Variants in PRORP observed in about 807,000 individuals in gnomAD.
The protein encoded by PRORP is mitochondrial ribonuclease P catalytic subunit.
PRORP carries 51 observed loss-of-function variants against 59.4 expected under a neutral mutation model. That is an observed-to-expected ratio of 0.86 (90% confidence interval 0.69 to 1.08). The LOEUF (loss-of-function observed/expected upper bound fraction) is 1.08. Ranked by LOEUF, PRORP falls within the 50% of genes least tolerant of loss-of-function variation. The pLI is 0.00. For missense variants in PRORP, 646 were observed against 690.3 expected, an observed-to-expected ratio of 0.94 and a Z score of 0.72; for synonymous variants, 231 against 245.6, an observed-to-expected ratio of 0.94 and a Z score of 0.55.
chr14:35,132,399 G>A (rs1281642515), intron 4 of PRORP, among the ~76,000 whole-genome samples: 3 of 151,760 alleles, frequency 2.0e-5, no homozygotes, highest in Non-Finnish European at 4.4e-5. Flanking sequence ...CGGAGGTTGC[G>A]GTGAGCCAAG....
intron 4 of PRORP, among the ~76,000 whole-genome samples, chr14:35,156,141 A>G (rs1037387422): frequency 2.0e-5 from 3 of 152,228 alleles, no homozygotes; most frequent in Admixed American, 2.0e-4. Context: ...GCAACTGCAG[A>G]TTAATTCTGG....
chr14:35,164,883 A>C (rs1179594261), intron 4 of PRORP, among the ~76,000 whole-genome samples: 1 of 152,154 alleles, frequency 6.6e-6, no homozygotes, highest in Non-Finnish European at 1.5e-5. Flanking sequence ...TATCTCCTTA[A>C]ATAAAATAGG....
At chr14:35,191,714 C>T (rs1445622544) in intron 5 of PRORP, among the ~76,000 whole-genome samples, 1 of 152,004 alleles carries the variant, frequency 6.6e-6, no homozygotes, top group African/African-American at 2.4e-5. Flanking sequence ...AAAACCAAAC[C>T]AAAACAAACA....
chr14:35,267,767 C>T (rs931714976), intron 6 of PRORP, among the ~76,000 whole-genome samples: 7 of 151,076 alleles, frequency 4.6e-5, no homozygotes, highest in African/African-American at 1.5e-4. Context: ...GGCAACAGTG[C>T]GAGGCTCCAT....
At chr14:35,263,966 A>G (rs1033849328) in intron 5 of PRORP, among the ~76,000 whole-genome samples, 4 of 149,750 alleles carry the variant, frequency 2.7e-5, no homozygotes, top group African/African-American at 7.4e-5. Context: ...TTTTTTAGAG[A>G]TGGTGTCTCA....
At chr14:35,177,212 G>A (rs1320308090) in intron 4 of PRORP, among the ~76,000 whole-genome samples, 1 of 151,880 alleles carries the variant, frequency 6.6e-6, no homozygotes, top group Non-Finnish European at 1.5e-5. Flanking sequence ...CTCTTTTTTT[G>A]TTGTGTCTCT....
intron 5 of PRORP, among the ~76,000 whole-genome samples, chr14:35,187,322 A>G (rs763084037): frequency 6.6e-6 from 1 of 150,554 alleles, no homozygotes; most frequent in African/African-American, 2.4e-5. Flanking sequence ...AACACTTGTT[A>G]TTTGTCTTTT....
chr14:35,237,658 A>G (rs2050255337), intron 5 of PRORP, among the ~76,000 whole-genome samples: 1 of 151,788 alleles, frequency 6.6e-6, no homozygotes. Context: ...TCACCTTCTT[A>G]AACTTCTATT....
chr14:35,147,493 T>G (rs1238214854), intron 4 of PRORP, among the ~76,000 whole-genome samples: 3 of 152,098 alleles, frequency 2.0e-5, no homozygotes, highest in Non-Finnish European at 4.4e-5. Context: ...CAAGCTCACA[T>G]GACCATGTCT....
At chr14:35,152,003 GA>G (rs1422835746) in intron 4 of PRORP, among the ~76,000 whole-genome samples, 1 of 149,502 alleles carries the variant, frequency 6.7e-6, no homozygotes, top group African/African-American at 2.5e-5. Context: ...AGGGTCATAG[GA>G]CAATAGTGGA....
At chr14:35,261,362 A>G (rs1201693940) in intron 5 of PRORP, among the ~76,000 whole-genome samples, 1 of 151,936 alleles carries the variant, frequency 6.6e-6, no homozygotes, top group Non-Finnish European at 1.5e-5. Context: ...AAGTACATCT[A>G]CTCCATTTTC....
At chr14:35,154,505 A>G (rs1325321066) in intron 4 of PRORP, among the ~76,000 whole-genome samples, 2 of 152,200 alleles carry the variant, frequency 1.3e-5, no homozygotes, top group Non-Finnish European at 2.9e-5. Flanking sequence ...TAGGAGAGTT[A>G]AGGATTTGGT....
chr14:35,197,245 T>G (rs2049031035), intron 5 of PRORP, among the ~76,000 whole-genome samples: 1 of 152,290 alleles, frequency 6.6e-6, no homozygotes, highest in African/African-American at 2.4e-5. Flanking sequence ...TGTGTATATC[T>G]TGCTTCCATC....
At chr14:35,141,178 G>A (rs1395034662) in intron 4 of PRORP, among the ~76,000 whole-genome samples, 1 of 145,322 alleles carries the variant, frequency 6.9e-6, no homozygotes, top group Admixed American at 7.1e-5. Flanking sequence ...TTGGAGCTAT[G>A]CGCATAGTGT....
chr14:35,267,353 T>TTTAAGGTAGATAGAA (rs2051066712), intron 6 of PRORP, among the ~76,000 whole-genome samples: 1 of 152,044 alleles, frequency 6.6e-6, no homozygotes, highest in African/African-American at 2.4e-5. Context: ...GTAGATAGAA[T>TTTAAGGTAGATAGAA]TTAGGTAAGG....
chr14:35,160,604 A>G (rs2048033006), intron 4 of PRORP, among the ~76,000 whole-genome samples: 1 of 152,172 alleles, frequency 6.6e-6, no homozygotes, highest in Admixed American at 6.5e-5. Context: ...TGAAAACTTG[A>G]TGGCTTCTGC....
At chr14:35,167,897 G>A (rs755238716) in intron 4 of PRORP, among the ~76,000 whole-genome samples, 2 of 152,140 alleles carry the variant, frequency 1.3e-5, no homozygotes, top group Non-Finnish European at 2.9e-5. Context: ...AGTAGTGATC[G>A]TCACATGTTA....
At chr14:35,175,524 G>A (rs1222339889) in intron 4 of PRORP, among the ~76,000 whole-genome samples, 3 of 152,130 alleles carry the variant, frequency 2.0e-5, no homozygotes, top group Non-Finnish European at 4.4e-5. Context: ...TGTGTCTGTT[G>A]GCTGAATAAA....
intron 4 of PRORP, among the ~76,000 whole-genome samples, chr14:35,132,384 GGAGCCGGAGGTTGCGGT>G (rs2047265878): frequency 1.3e-5 from 2 of 151,944 alleles, no homozygotes; most frequent in East Asian, 3.9e-4. Context: ...TTTGAACCTG[GGAGCCGGAGGTTGCGGT>G]GAGCCAAGGT....
Sources: gnomAD v4.1 joint callset for allele counts (sites outside exome capture counted in the v4.1 genomes callset) on GRCh38, gnomAD v4.1.1 for gene constraint, MANE v1.5 for transcripts, NCBI Gene and HGNC (gene_info 2026-07-23, HGNC 2026-07-21) for gene names.